The following EP300 variants were observed in gnomAD, a reference collection of about 807,000 sequenced individuals.
The protein encoded by EP300 is EP300 lysine acetyltransferase, also known as histone acetyltransferase p300.
Under a neutral mutation model 264.0 loss-of-function variants are expected in EP300, and 31 were observed. That is an observed-to-expected ratio of 0.12 (90% CI 0.09 to 0.16). EP300 has a LOEUF of 0.16. Ranked by LOEUF, EP300 falls within the 10% of genes least tolerant of loss-of-function variation. The pLI, the probability that EP300 is intolerant of heterozygous loss-of-function variation, is 1.00. For synonymous variants in EP300, 1,340 were observed against 1,045.4 expected (o/e 1.28, Z -5.44); for missense variants, 2,766 against 3,052.9 (o/e 0.91, Z 2.21).
rs1220102517 is a variant in EP300, at chr22:41,113,937, A to G, written c.95-3250A>G. Among the ~76,000 whole-genome samples the G allele has an allele frequency of 2.6e-5, 4 of 152,106 alleles. No homozygotes were observed. The East Asian group carries it at 7.7e-4, about 29-fold the overall frequency. ...TTTGTGATTTCTTTTGTAATTTATC[A>G]CTGCCTGTTTTTAAAATTTCTAAAG... On this transcript the variant is annotated intron_variant, in intron 1 of 30. Transcript: ENST00000263253.
At chr22:41,117,846 C>T (rs2145697884) in intron 2 of EP300, 25 bp downstream of exon 2, 1 of 1,613,002 alleles carries the variant, frequency 6.2e-7, no homozygotes, top group Non-Finnish European at 8.5e-7. Context: ...GGTTTGTGTG[C>T]ACAATCGGCA....
chr22:41,150,050 C>T lies in EP300; in HGVS notation c.2669C>T (p.Thr890Ile). Residue 890 changes from threonine (T) to isoleucine (I), a missense_variant, in exon 14 of 31, where the codon ACA becomes ATA. Physicochemically the swap from Thr to Ile is moderately conservative, Grantham distance 89. Coordinates refer to ENST00000263253, the MANE Select transcript of EP300 (RefSeq NM_001429.4). ...CCAAGGCAGACACCTACACCACCAA[C>T]AACACAACTTCCCCAACAAGTGCAG... ...PPPRQTPTPP[T>I]TQLPQQVQPS... The T allele has an allele frequency of 6.2e-7, 1 of 1,614,000 alleles. No individual in the cohort carries two copies.
At chr22:41,133,107 G>A (rs1034881282) in intron 6 of EP300, among the ~76,000 whole-genome samples, 6 of 151,898 alleles carry the variant, frequency 4.0e-5, no homozygotes, top group Non-Finnish European at 7.4e-5. Flanking sequence ...GCCTCCCAGA[G>A]TGCTGGGATT....
At chr22:41,113,154 T>TCCCCCCCCC (rs146149759) in intron 1 of EP300, among the ~76,000 whole-genome samples, 1 of 68,328 alleles carries the variant, frequency 1.5e-5, no homozygotes, top group Admixed American at 2.1e-4. Flanking sequence ...GAATCAGGAT[T>TCCCCCCCCC]CCACCCCCCC....
At chr22:41,150,340 C>G in intron 14 of EP300, 142 bp downstream of exon 14, 1 of 1,060,042 alleles carries the variant, frequency 9.4e-7, no homozygotes, top group Non-Finnish European at 1.4e-6. Flanking sequence ...TCATTAGGGA[C>G]TTTTGTATCC....
chr22:41,150,042 A>T lies in EP300; in HGVS notation c.2661A>T (p.Thr887=). 6.2e-7 allele frequency: 1 copy of T among 1,613,696 alleles called. No individual in the cohort carries two copies. The highest frequency in any genetic ancestry group is 8.5e-7 in the Non-Finnish European group (1 of 1,179,962). Reference sequence around the variant, plus strand: ...ATCCCCCTCCAAGGCAGACACCTACACCACCAACAACACAACTTCCCCAAC... The same window carrying T: ...ATCCCCCTCCAAGGCAGACACCTACTCCACCAACAACACAACTTCCCCAAC... ...ALHPPPRQTP[T]PPTTQLPQQV... is the part of the protein sequence containing the mutation. Residue 887 remains threonine, a synonymous_variant, in exon 14 of 31, where the codon ACA becomes ACT. Coordinates refer to ENST00000263253, the MANE Select transcript of EP300 (RefSeq NM_001429.4).
intron 1 of EP300, among the ~76,000 whole-genome samples, chr22:41,093,442 A>T (rs574210304): frequency 2.6e-5 from 4 of 151,948 alleles, no homozygotes; most frequent in Non-Finnish European, 2.9e-5. Context: ...TTTAAGTTTC[A>T]TTTTTTTTGT....
chr22:41,131,632 G>T lies in EP300; in HGVS notation c.1527G>T (p.Met509Ile). The T allele has an allele frequency of 6.2e-7, 1 of 1,614,088 alleles. No homozygotes were observed. Among genetic ancestry groups the T allele is most frequent in the South Asian group, 1.1e-5 (1 of 91,070 alleles). The stretch of plus-strand genomic sequence containing the variant: ...AAGGCATGCGGCCCATGAGCAACAT[G>T]AGTAAGTTTGTGTCATCCTAATAAC... Reference protein sequence around the residue: ...SPQGMRPMSNMSASPMGVNGG... With the variant: ...SPQGMRPMSNISASPMGVNGG... Residue 509 changes from methionine (M) to isoleucine (I), a missense_variant and splice_region_variant, in exon 6 of 31, where the codon ATG (methionine) becomes ATT (isoleucine). Coordinates refer to ENST00000263253, the MANE Select transcript of EP300 (RefSeq NM_001429.4).
At chr22:41,136,727 G>C (rs1295398882) in intron 7 of EP300, among the ~76,000 whole-genome samples, 1 of 152,296 alleles carries the variant, frequency 6.6e-6, no homozygotes, top group Middle Eastern at 3.4e-3. Context: ...GAGGTGAGCT[G>C]TGTTAAAATG....
In EP300 at chr22:41,127,516, G is replaced by T. The variant is rs1326401689; in HGVS notation, c.936G>T (p.Gln312His). 6.2e-7 allele frequency: 1 copy of T among 1,614,178 alleles called. No homozygotes were observed. Among genetic ancestry groups the T allele is most frequent in the East Asian group, 2.2e-5 (1 of 44,880 alleles). ...AACAGCCAGCCCCGCAGGTCCAGCA[G>T]CCAGGCCTGGTGACTCCAGTTGCCC... ...MGQQPAPQVQ[Q>H]PGLVTPVAQG... The change falls in exon 4 of 31, where the codon CAG becomes CAT. Residue 312 changes from glutamine (Q) to histidine (H), a missense_variant. Gln to His is a conservative substitution (Grantham distance 24, BLOSUM62 0). Coordinates refer to ENST00000263253, the MANE Select transcript of EP300 (RefSeq NM_001429.4).
At chr22:41,167,934 G>A (rs961619329) in intron 23 of EP300, among the ~76,000 whole-genome samples, 5 of 136,508 alleles carry the variant, frequency 3.7e-5, no homozygotes, top group African/African-American at 1.4e-4. Context: ...CGATTCTCGT[G>A]CCTCAGCCTC....
rs769796204 is a variant in EP300, at chr22:41,177,355, A to G, written c.5644A>G (p.Ser1882Gly). The G allele has an allele frequency of 3.0e-5, 48 of 1,613,608 alleles. No individual in the cohort carries two copies. The Middle Eastern group carries it at 4.9e-4, about 17-fold the overall frequency. ...TCAGCCTCAGCCTACCCCTCCCAAT[A>G]GCATGCCACCCTACTTGCCCAGGAC... is the stretch of plus-strand genomic sequence containing the variant. ...TSQPQPTPPN[S>G]MPPYLPRTQA... The change falls in exon 31 of 31, where the codon AGC becomes GGC. Residue 1882 changes from serine to glycine, a missense_variant. Transcript: ENST00000263253.
chr22:41,166,556 G>T (rs374347998), intron 22 of EP300, 43 bp from the exon 23 acceptor site: 2 of 1,495,514 alleles, frequency 1.3e-6, no homozygotes, highest in Non-Finnish European at 1.9e-6. Flanking sequence ...TAAATTCAAC[G>T]GTTTATCTAA....
chr22:41,177,068 T>C lies in EP300; in HGVS notation c.5357T>C (p.Ile1786Thr). ...GGGTGCCCCATCTGCAAGCAGCTCA[T>C]TGCCCTCTGCTGCTACCATGCCAAG... Reference protein sequence around the residue: ...NGGCPICKQLIALCCYHAKHC... With the variant: ...NGGCPICKQLTALCCYHAKHC... The change falls in exon 31 of 31, where the codon ATT becomes ACT. Residue 1786 changes from isoleucine (I) to threonine (T), a missense_variant. Physicochemically the swap from Ile to Thr is moderately conservative, Grantham distance 89. Coordinates refer to ENST00000263253, the MANE Select transcript of EP300 (RefSeq NM_001429.4). The C allele has an allele frequency of 6.2e-7, 1 of 1,614,110 alleles. No homozygotes were observed. Among genetic ancestry groups the C allele is most frequent in the Non-Finnish European group, 8.5e-7 (1 of 1,180,020 alleles).
chr22:41,168,990 G>T, intron 25 of EP300, 123 bp downstream of exon 25: 8 of 1,369,442 alleles, frequency 5.8e-6, no homozygotes, highest in Non-Finnish European at 8.3e-6. Flanking sequence ...AAAATCTCAA[G>T]TGTCCAGTAA....
Position 41,160,691 on chromosome 22 carries a change from T to C in EP300, c.3640T>C (p.Ser1214Pro). 6.2e-7 allele frequency: 1 copy of C among 1,614,134 alleles called. No homozygotes were observed. Among genetic ancestry groups the C allele is most frequent in the Non-Finnish European group, 8.5e-7 (1 of 1,180,004 alleles). ...CAATGAGATCCAAGGGGAGAGCGTT[T>C]CTTTGGGGGATGACCCTTCCCAGCC... Reference protein sequence around the residue: ...CFNEIQGESVSLGDDPSQPQT... With the variant: ...CFNEIQGESVPLGDDPSQPQT... Residue 1214 changes from serine (S) to proline (P), a missense_variant, in exon 20 of 31, where the codon TCT (serine) becomes CCT (proline). Transcript: ENST00000263253.
At chr22:41,120,018 T>G (rs189484884) in intron 2 of EP300, among the ~76,000 whole-genome samples, 2 of 152,254 alleles carry the variant, frequency 1.3e-5, no homozygotes, top group African/African-American at 4.8e-5. Context: ...TTCACCATGT[T>G]GCCCAGGCTC....
chr22:41,124,438 C>CA (rs1215514913), intron 2 of EP300, among the ~76,000 whole-genome samples: 3 of 152,108 alleles, frequency 2.0e-5, no homozygotes, highest in African/African-American at 7.2e-5. Context: ...TGTCCCTACA[C>CA]AAAAAAGGAC....
chr22:41,162,856 C>T (rs2145754963), intron 21 of EP300, 77 bp downstream of exon 21: 1 of 1,199,250 alleles, frequency 8.3e-7, no homozygotes, highest in Non-Finnish European at 1.2e-6. Context: ...GTTTGCATGA[C>T]CAATCAGATG....
Sources: gnomAD v4.1 joint callset for allele counts (sites outside exome capture counted in the v4.1 genomes callset) on GRCh38, gnomAD v4.1.1 for gene constraint, MANE v1.5 for transcripts, NCBI Gene and HGNC (gene_info 2026-07-23, HGNC 2026-07-21) for gene names.